ZNF169: variants seen among roughly 807,000 people sequenced by gnomAD.
The protein encoded by ZNF169 is zinc finger protein 169.
Under a neutral mutation model 12.0 loss-of-function variants are expected in ZNF169, and 11 were observed. That is an observed-to-expected ratio of 0.92 (90% CI 0.58 to 1.52). The LOEUF is 1.52. Ranked by LOEUF, ZNF169 falls within the 40% of genes most tolerant of loss-of-function variation. The pLI is 0.00. For synonymous variants in ZNF169, 302 were observed against 286.5 expected, an observed-to-expected ratio of 1.05 and a Z score of -0.55; for missense variants, 722 against 744.0, an observed-to-expected ratio of 0.97 and a Z score of 0.34.
intron 2 of ZNF169, among the ~76,000 whole-genome samples, chr9:94,283,823 C>T (rs1454147403): frequency 6.6e-6 from 1 of 152,014 alleles, no homozygotes; most frequent in Non-Finnish European, 1.5e-5. Context: ...AATCCCAGCA[C>T]TTTGGGAGGC....
At position 94,300,770 on chromosome 9, in the gene ZNF169, TGCTGAGTGTGG is replaced by T; in HGVS notation, c.1215_1225del (p.Glu406GlnfsTer31). 6.2e-7 allele frequency: 1 copy of T among 1,611,870 alleles called. No individual in the cohort carries two copies. Among genetic ancestry groups the T allele is most frequent in the South Asian group, 1.1e-5 (1 of 90,954 alleles). On this transcript the variant is annotated frameshift_variant, in exon 5 of 5. Transcript: ENST00000395395. LOFTEE classifies it low-confidence loss of function (END_TRUNC). ...ACTCAGGAGAGAAGCCTTATGTCTG[TGCTGAGTGTGG>T]GCACAGCTTTCGCCAAAAGGTCACT...
At chr9:94,289,234 T>TA (rs1051420521) in intron 2 of ZNF169, among the ~76,000 whole-genome samples, 15 of 150,838 alleles carry the variant, frequency 9.9e-5, no homozygotes, top group African/African-American at 2.2e-4. Flanking sequence ...CCCCATCTGT[T>TA]AAAAAAATAA....
At chr9:94,293,488 C>T (rs986590836) in intron 4 of ZNF169, 6 of 387,186 alleles carry the variant, frequency 1.5e-5, no homozygotes, top group East Asian at 1.2e-4. Context: ...ATGATCTCGG[C>T]TCACTGCAAC....
At chr9:94,280,715 C>G (rs1440014247) in intron 2 of ZNF169, among the ~76,000 whole-genome samples, 1 of 152,120 alleles carries the variant, frequency 6.6e-6, no homozygotes, top group Non-Finnish European at 1.5e-5. Flanking sequence ...GTGTCATTCC[C>G]CTGTTGGCTA....
chr9:94,301,205 C>T lies in ZNF169; in HGVS notation c.1647C>T (p.Arg549=), dbSNP rs769318101. ...CCTGCATTTGCGATGAATGTGGGCG[C>T]GGCTTTGGCTTTAAGTCTGCCCTCA... ...EKPCICDECG[R]GFGFKSALIR... is the part of the protein sequence containing the mutation. Residue 549 remains arginine, a synonymous_variant, in exon 5 of 5, where the codon CGC becomes CGT. Coordinates refer to ENST00000395395, the MANE Select transcript of ZNF169 (RefSeq NM_194320.4). The T allele has an allele frequency of 9.3e-6, 15 of 1,613,498 alleles. No individual in the cohort carries two copies. The highest frequency in any genetic ancestry group is 5.0e-5 in the Admixed American group (3 of 59,956).
chr9:94,269,079 A>AT (rs904854733), intron 1 of ZNF169, among the ~76,000 whole-genome samples: 1 of 151,686 alleles, frequency 6.6e-6, no homozygotes, highest in Non-Finnish European at 1.5e-5. Context: ...AAAAAAAAAA[A>AT]TTTTTCCTTC....
chr9:94,293,029 T>A lies in ZNF169; in HGVS notation c.216T>A (p.Pro72=). The A allele has an allele frequency of 1.2e-6, 2 of 1,613,564 alleles. No individual in the cohort carries two copies. Among genetic ancestry groups the A allele is most frequent in the Middle Eastern group, 1.6e-4 (1 of 6,062 alleles). ...LIEQLEQGDE[P]WREENEHLLD... is the part of the protein sequence containing the mutation. Reference sequence around the variant, plus strand: ...AACAGCTGGAGCAAGGCGACGAACCTTGGAGAGAGGAGAACGAACATCTTC... The same window carrying A: ...AACAGCTGGAGCAAGGCGACGAACCATGGAGAGAGGAGAACGAACATCTTC... Residue 72 remains proline, a synonymous_variant, in exon 4 of 5, where the codon CCT becomes CCA. Coordinates refer to ENST00000395395, the MANE Select transcript of ZNF169 (RefSeq NM_194320.4).
intron 1 of ZNF169, among the ~76,000 whole-genome samples, chr9:94,262,522 G>A (rs150478385): frequency 1.7e-3 from 254 of 152,078 alleles, no homozygotes; most frequent in African/African-American, 5.9e-3. Flanking sequence ...GCAGTGGTGC[G>A]ATCTCGGCTC....
intron 1 of ZNF169, among the ~76,000 whole-genome samples, chr9:94,273,579 CTT>C (rs56165942): frequency 3.1e-4 from 37 of 119,146 alleles, no homozygotes; most frequent in Admixed American, 8.8e-4. Context: ...TTCTTTCTTT[CTT>C]TTTTTTTTTT....
intron 2 of ZNF169, among the ~76,000 whole-genome samples, chr9:94,290,517 TTATGTCACTTGGCA>T (rs1458452882): frequency 6.6e-6 from 1 of 152,208 alleles, no homozygotes; most frequent in Non-Finnish European, 1.5e-5. Context: ...TGTGACTGGC[TTATGTCACTTGGCA>T]TATTTTCAAG....
intron 2 of ZNF169, among the ~76,000 whole-genome samples, chr9:94,289,554 C>T (rs943043447): frequency 5.3e-5 from 8 of 152,182 alleles, no homozygotes; most frequent in African/African-American, 1.9e-4. Context: ...CTTTGGGAGG[C>T]CGAGGCAGGT....
intron 4 of ZNF169, 110 bp from the exon 5 acceptor site, chr9:94,299,705 G>T: frequency 6.7e-7 from 1 of 1,483,468 alleles, no homozygotes; most frequent in African/African-American, 1.4e-5. Context: ...ATGTGCCCTT[G>T]TGGGTTGGAA....
At chr9:94,299,730 G>T (rs1831016309) in intron 4 of ZNF169, 85 bp from the exon 5 acceptor site, 6 of 1,519,138 alleles carry the variant, frequency 3.9e-6, no homozygotes, top group Non-Finnish European at 5.3e-6. Context: ...AGTCTTTGTT[G>T]TGAACATCTG....
At chr9:94,259,805 A>T (rs552657553) in intron 1 of ZNF169, among the ~76,000 whole-genome samples, 218 of 152,258 alleles carry the variant, frequency 1.4e-3, no homozygotes, top group Non-Finnish European at 2.7e-3. Context: ...GGAGGACATG[A>T]TATCCTCGGT....
Position 94,279,565 on chromosome 9 carries a change from G to A in ZNF169, c.33+720G>A, listed in dbSNP as rs186471283. Among the ~76,000 whole-genome samples, 532 of 149,500 alleles carry A rather than the reference G, an allele frequency of 3.6e-3. 5 individuals carry two copies. The highest frequency in any genetic ancestry group is 0.012 in the African/African-American group (497 of 40,612). ...TGAGGCAAGAGAATCGCTTGAGCCC[G>A]GGAGGCGGAGGTTGCAGTGAGCCGA... On this transcript the variant is annotated intron_variant, in intron 2 of 4. Coordinates refer to ENST00000395395, the MANE Select transcript of ZNF169 (RefSeq NM_194320.4).
At chr9:94,291,035 TGGAACA>T in intron 2 of ZNF169, among the ~76,000 whole-genome samples, 1 of 149,430 alleles carries the variant, frequency 6.7e-6, no homozygotes, top group Admixed American at 6.8e-5. Flanking sequence ...TTCTGGTCTA[TGGAACA>T]GTATTCTTTT....
In ZNF169 at chr9:94,292,962, TCC is replaced by T. The variant is rs1295817424; in HGVS notation, c.161-11_161-10del. 1.9e-6 allele frequency: 3 copies of T among 1,601,456 alleles called. No individual in the cohort carries two copies. The highest frequency in any genetic ancestry group is 3.4e-5 in the Admixed American group (2 of 58,840). On this transcript the variant is annotated splice_polypyrimidine_tract_variant and intron_variant, in intron 3 of 4. Transcript: ENST00000395395. ...ACTCAAGATCACCTTGGTTTTTTTTTCCTGTGAGTAGGAATTGCATTTTCCAA... is the reference window on the plus strand; with the variant it reads ...ACTCAAGATCACCTTGGTTTTTTTTTTGTGAGTAGGAATTGCATTTTCCAA...
intron 1 of ZNF169, among the ~76,000 whole-genome samples, chr9:94,274,443 C>T (rs945229854): frequency 7.2e-5 from 11 of 152,126 alleles, no homozygotes; most frequent in Non-Finnish European, 1.5e-5. Flanking sequence ...ATAAGGGCTG[C>T]TTAATTCCTA....
chr9:94,276,159 A>G (rs1346719500), intron 1 of ZNF169, among the ~76,000 whole-genome samples: 1 of 152,136 alleles, frequency 6.6e-6, no homozygotes, highest in African/African-American at 2.4e-5. Flanking sequence ...ACTTAATACA[A>G]TTTATACTGA....
Sources: allele counts gnomAD v4.1 joint callset (sites outside exome capture counted in the v4.1 genomes callset), GRCh38; gene constraint gnomAD v4.1.1; transcripts MANE v1.5; gene names NCBI Gene and HGNC (gene_info 2026-07-23, HGNC 2026-07-21).